The following DAZL variants were observed in gnomAD, a reference collection of about 807,000 sequenced individuals.
The protein encoded by DAZL is deleted in azoospermia like.
In DAZL, 4 loss-of-function variants were observed where a neutral mutation model predicts 45.0. The observed-to-expected ratio is 0.09, with a 90% CI of 0.04 to 0.20. The LOEUF (loss-of-function observed/expected upper bound fraction) is 0.20. Among genes scored for constraint, DAZL ranks in the 10% least tolerant of loss-of-function variants. DAZL has a pLI of 1.00. For synonymous variants in DAZL, 122 were observed against 112.4 expected, an observed-to-expected ratio of 1.09 and a Z score of -0.54; for missense variants, 326 against 351.3, an observed-to-expected ratio of 0.93 and a Z score of 0.58.
chr3:16,601,652 G>GT (rs1694691297), intron 1 of DAZL, among the ~76,000 whole-genome samples: 3 of 152,122 alleles, frequency 2.0e-5, no homozygotes, highest in Admixed American at 1.3e-4. Context: ...AAGTACCATC[G>GT]TAACTGTCAA....
chr3:16,599,552 T>C (rs1352761236), intron 1 of DAZL, among the ~76,000 whole-genome samples: 1 of 152,234 alleles, frequency 6.6e-6, no homozygotes, highest in African/African-American at 2.4e-5. Context: ...AAATCATTTT[T>C]TGAAATAACA....
rs772210317 is a variant in DAZL at position 16,592,043 on chromosome 3, T to C, written c.834+7A>G. 7 of 1,610,796 alleles carry C rather than the reference T, an allele frequency of 4.3e-6. No individual in the cohort carries two copies. In the South Asian group the frequency reaches 5.5e-5, roughly 13 times the overall value. ...TTTTTAATTGTGCGTAACTGTTATA[T>C]TCATACCTTGAAGTAGTCATCTTGA... On this transcript the variant is annotated splice_region_variant and intron_variant, in intron 10 of 10. Coordinates refer to ENST00000399444, the MANE Select transcript of DAZL (RefSeq NM_001351.4).
chr3:16,604,489 G>T, intron 1 of DAZL: 1 of 1,524,018 alleles, frequency 6.6e-7, no homozygotes, highest in Non-Finnish European at 8.8e-7. Context: ...GCCGCCACAC[G>T]AGGGAGCCGC....
At chr3:16,603,657 T>G (rs1208590211) in intron 1 of DAZL, among the ~76,000 whole-genome samples, 2 of 152,186 alleles carry the variant, frequency 1.3e-5, no homozygotes, top group African/African-American at 4.8e-5. Flanking sequence ...ATGATAGTAT[T>G]GTTTTAATAT....
rs1268828900 is a variant in DAZL at position 16,586,903 on chromosome 3, CT to C, written c.*1756del. ...ATTTTCCATTTTGAAAGGTTCAGGA[CT>C]TTATCTTTTTTACCCTTACTCTTTT... On this transcript the variant is annotated 3_prime_UTR_variant, in exon 11 of 11. Transcript: ENST00000399444. 30 of 152,222 alleles carry C rather than the reference CT, an allele frequency of 2.0e-4. No individual in the cohort carries two copies. The highest frequency in any genetic ancestry group is 7.0e-4 in the African/African-American group (29 of 41,558). 9.4% of individuals were successfully genotyped at this position (152,222 alleles called of 1,614,324 possible).
intron 4 of DAZL, 42 bp from the exon 5 acceptor site, chr3:16,597,093 TC>T (rs1694612002): frequency 6.3e-7 from 1 of 1,578,994 alleles, no homozygotes; most frequent in African/African-American, 1.3e-5. Context: ...AATTTTCAAG[TC>T]TTTACTTCCA....
chr3:16,605,412 C>G lies in DAZL; in HGVS notation c.-207G>C. 1.5e-6 allele frequency: 1 copy of G among 655,866 alleles called. No individual in the cohort carries two copies. The highest frequency in any genetic ancestry group is 2.7e-5 in the East Asian group (1 of 36,618). 40.6% of individuals were successfully genotyped at this position (655,866 alleles called of 1,614,324 possible). ...AAAGGCGGACCGTCAGGCTGAGGAG[C>G]GCAGGCGGACTGAGGCGTGGTCCGC... On this transcript the variant is annotated 5_prime_UTR_variant, in exon 1 of 11. Coordinates refer to ENST00000399444, the MANE Select transcript of DAZL (RefSeq NM_001351.4).
Position 16,593,660 on chromosome 3 carries a change from G to C in DAZL, c.730C>G (p.Gln244Glu). ...EATPPSGNGP[Q>E]KKSVDRSIQT... ...AAACAAAATTAGATGTTTGCCTTTTGTGGGCCATTTCCAGAGGGTGGAGTA... is the reference window on the plus strand; with the variant it reads ...AAACAAAATTAGATGTTTGCCTTTTCTGGGCCATTTCCAGAGGGTGGAGTA... Residue 244 changes from glutamine (Q) to glutamate (E), a missense_variant, in exon 9 of 11, where the codon CAA (glutamine) becomes GAA (glutamate). By Grantham distance (29) the Gln-to-Glu change is conservative. Around this residue, in one of 3 missense-constraint regions of DAZL, gnomAD observed 227 missense variants for 216.6 expected, o/e 1.05. Coordinates refer to ENST00000399444, the MANE Select transcript of DAZL (RefSeq NM_001351.4). 2.5e-6 allele frequency: 4 copies of C among 1,601,120 alleles called. No homozygotes were observed. Among genetic ancestry groups the C allele is most frequent in the Non-Finnish European group, 3.4e-6 (4 of 1,170,062 alleles).
Position 16,594,534 on chromosome 3 carries a change from G to A in DAZL, c.620C>T (p.Pro207Leu), listed in dbSNP as rs766124489. ...ATATGTTTGGCTAATTCACTTTACC[G>A]GAGGTACAACATAGCTCCTTTGCTC... ...VGEQRSYVVPPAYSAVNYHCN... is the reference protein window; with the variant it reads ...VGEQRSYVVPLAYSAVNYHCN... The change falls in exon 8 of 11, where the codon CCG (proline) becomes CTG (leucine). Residue 207 changes from proline (P) to leucine (L), a missense_variant and splice_region_variant. Physicochemically the swap from Pro to Leu is moderately conservative, Grantham distance 98. Around this residue, in one of 3 missense-constraint regions of DAZL, gnomAD observed 227 missense variants for 216.6 expected, o/e 1.05. Transcript: ENST00000399444. 1.1e-5 allele frequency: 18 copies of A among 1,583,776 alleles called. No individual in the cohort carries two copies. The highest frequency in any genetic ancestry group is 4.5e-5 in the East Asian group (2 of 44,276).
chr3:16,598,750 G>A, intron 1 of DAZL, 152 bp from the exon 2 acceptor site: 8 of 974,318 alleles, frequency 8.2e-6, no homozygotes, highest in Non-Finnish European at 1.1e-5. Flanking sequence ...ACTTATCAGA[G>A]TAGATCAGCA....
chr3:16,601,205 C>T (rs1694684202), intron 1 of DAZL, among the ~76,000 whole-genome samples: 1 of 152,126 alleles, frequency 6.6e-6, no homozygotes, highest in South Asian at 2.1e-4. Context: ...TCTGGTGTCT[C>T]TTCTAATTCT....
In DAZL at chr3:16,594,434, A is replaced by G. The variant is rs143475855; in HGVS notation, c.621+99T>C. 5.8e-5 allele frequency: 50 copies of G among 866,164 alleles called. No homozygotes were observed. In the African/African-American group the frequency reaches 7.4e-4, roughly 13 times the overall value. The allele number at this position is 866,164 out of a possible 1,614,324, so 53.7% of individuals were successfully genotyped here. A position where few individuals can be genotyped will look rare whatever the true frequency, so the allele number is the denominator to read the frequency against. ...TTAATACAAAAAACTATTTAAAAAT[A>G]TAGGCATATATGACATGGAAAACAA... On this transcript the variant is annotated intron_variant, in intron 8 of 10. Transcript: ENST00000399444.
chr3:16,605,387 A>C lies in DAZL; in HGVS notation c.-182T>G. The C allele has an allele frequency of 1.4e-6, 1 of 737,710 alleles. No homozygotes were observed. Among genetic ancestry groups the C allele is most frequent in the East Asian group, 2.7e-5 (1 of 37,362 alleles). The allele number at this position is 737,710 out of a possible 1,614,324, so 45.7% of individuals were successfully genotyped here. Reference sequence around the variant, plus strand: ...CGGGTGACAAGGCTGAGGAGCCCCGAAAGGCGGACCGTCAGGCTGAGGAGC... The same window carrying C: ...CGGGTGACAAGGCTGAGGAGCCCCGCAAGGCGGACCGTCAGGCTGAGGAGC... On this transcript the variant is annotated 5_prime_UTR_variant, in exon 1 of 11. Coordinates refer to ENST00000399444, the MANE Select transcript of DAZL (RefSeq NM_001351.4).
rs1018656880 is a variant in DAZL, at chr3:16,587,583, C to A, written c.*1077G>T. The A allele has an allele frequency of 6.6e-6, 1 of 152,650 alleles. No individual in the cohort carries two copies. 9.5% of individuals were successfully genotyped at this position (152,650 alleles called of 1,614,324 possible). A position where few individuals can be genotyped will look rare whatever the true frequency, so the allele number is the denominator to read the frequency against. On this transcript the variant is annotated 3_prime_UTR_variant, in exon 11 of 11. Coordinates refer to ENST00000399444, the MANE Select transcript of DAZL (RefSeq NM_001351.4). ...TTGTCACAATGTAAAATGAAGACACCAGCTAATCTAGAAACAATGCTAACT... is the reference window on the plus strand; with the variant it reads ...TTGTCACAATGTAAAATGAAGACACAAGCTAATCTAGAAACAATGCTAACT...
At chr3:16,604,285 C>T (rs1694739402) in intron 1 of DAZL, among the ~76,000 whole-genome samples, 2 of 152,106 alleles carry the variant, frequency 1.3e-5, no homozygotes, top group African/African-American at 4.8e-5. Context: ...GGCGCTGAAG[C>T]AACGCTAGGC....
chr3:16,594,597 A>G lies in DAZL; in HGVS notation c.571-14T>C. 6.4e-7 allele frequency: 1 copy of G among 1,562,566 alleles called. No individual in the cohort carries two copies. The highest frequency in any genetic ancestry group is 8.6e-7 in the Non-Finnish European group (1 of 1,158,620). On this transcript the variant is annotated splice_polypyrimidine_tract_variant and intron_variant, in intron 7 of 10. Transcript: ENST00000399444. Reference sequence around the variant, plus strand: ...CTGTGGTGGCATCTTAAAAAAAAAAAAAAGGAAACCAAAATTATTCAAATA... The same window carrying G: ...CTGTGGTGGCATCTTAAAAAAAAAAGAAAGGAAACCAAAATTATTCAAATA...
At chr3:16,605,163 C>CAAG (rs1344881364) in intron 1 of DAZL, 40 bp downstream of exon 1, 1 of 1,613,996 alleles carries the variant, frequency 6.2e-7, no homozygotes, top group Non-Finnish European at 8.5e-7. Flanking sequence ...CGAGTGAAGA[C>CAAG]TCCGCCAGCC....
chr3:16,596,904 A>C lies in DAZL; in HGVS notation c.359-15T>G. The C allele has an allele frequency of 6.2e-7, 1 of 1,613,840 alleles. No individual in the cohort carries two copies. The highest frequency in any genetic ancestry group is 8.5e-7 in the Non-Finnish European group (1 of 1,179,758). ...ATGATAAGCACCTTTTTGAAAAGCA[A>C]AAAGAAAAGGCCTATTTTTAGTTCT... On this transcript the variant is annotated splice_polypyrimidine_tract_variant and intron_variant, in intron 5 of 10. Transcript: ENST00000399444.
intron 5 of DAZL, 27 bp downstream of exon 5, chr3:16,596,961 A>G (rs1694609807): frequency 1.2e-6 from 2 of 1,613,030 alleles, no homozygotes; most frequent in African/African-American, 1.3e-5. Flanking sequence ...TTTATGTTTA[A>G]AAAGAACAAT....
Sources: allele counts gnomAD v4.1 joint callset (sites outside exome capture counted in the v4.1 genomes callset), GRCh38; gene constraint gnomAD v4.1.1; regional missense constraint gnomAD v4.1.1; transcripts MANE v1.5; gene names NCBI Gene and HGNC (gene_info 2026-07-23, HGNC 2026-07-21).